HPSE2: variants seen among roughly 807,000 people sequenced by gnomAD.
The protein encoded by HPSE2 is heparanase 2 (inactive).
HPSE2 carries 38 observed loss-of-function variants against 60.5 expected under a neutral mutation model. That is an observed-to-expected ratio of 0.63 (90% CI 0.48 to 0.82). The LOEUF (loss-of-function observed/expected upper bound fraction) is 0.82. HPSE2 is among the 40% of genes least tolerant of loss of function. The probability of loss-of-function intolerance (pLI) is 0.00; values close to 1 mark genes in which losing one functional copy is unlikely to be tolerated. For missense variants in HPSE2, 713 were observed against 740.4 expected (o/e 0.96, Z 0.43); for synonymous variants, 295 against 293.2 (o/e 1.01, Z -0.06).
chr10:99,220,266 C>T (rs1849263698), intron 2 of HPSE2, among the ~76,000 whole-genome samples: 1 of 151,592 alleles, frequency 6.6e-6, no homozygotes, highest in Admixed American at 6.6e-5. Context: ...AAATAACAAA[C>T]AGATAACTTC....
At chr10:99,257,313 G>A in the HPSE2 span, among the ~76,000 whole-genome samples, 54 of 152,290 alleles carry the variant, frequency 3.5e-4, no homozygotes, top group Middle Eastern at 3.4e-3. Context: ...CTGGTGAGCC[G>A]GGCAGAACAG....
intron 3 of HPSE2, among the ~76,000 whole-genome samples, chr10:99,090,206 T>A (rs969516159): frequency 6.6e-6 from 1 of 152,128 alleles, no homozygotes; most frequent in Non-Finnish European, 1.5e-5. Flanking sequence ...CAGTATCCTA[T>A]TTAGAACTGA....
At chr10:98,583,564 T>G (rs929752378) in intron 9 of HPSE2, among the ~76,000 whole-genome samples, 3 of 152,206 alleles carry the variant, frequency 2.0e-5, no homozygotes, top group African/African-American at 7.2e-5. Flanking sequence ...CCAGTTAACT[T>G]TATTTCAAAA....
chr10:98,948,387 A>G (rs931646257), intron 3 of HPSE2, among the ~76,000 whole-genome samples: 2 of 152,206 alleles, frequency 1.3e-5, no homozygotes, highest in African/African-American at 4.8e-5. Context: ...AATTAACAGA[A>G]TATGACTTGG....
intron 6 of HPSE2, among the ~76,000 whole-genome samples, chr10:98,679,127 C>A (rs1289835865): frequency 3.9e-5 from 6 of 151,952 alleles, no homozygotes; most frequent in Admixed American, 2.0e-4. Context: ...GTGACAGAAC[C>A]CCACAAAATC....
chr10:99,190,465 C>A lies in HPSE2; in HGVS notation c.448+41883G>T, dbSNP rs572473562. Among the ~76,000 whole-genome samples, 90 of 152,252 alleles carry A rather than the reference C, an allele frequency of 5.9e-4. 1 individual carries two copies. Among genetic ancestry groups the A allele is most frequent in the African/African-American group, 1.7e-3 (70 of 41,556 alleles). ...TTTACAGATTAAAAAACAACAACAA[C>A]AAAAAACTAAGGCCTAGCAACATTA... On this transcript the variant is annotated intron_variant, in intron 2 of 11. Transcript: ENST00000370552.
chr10:98,549,039 G>A (rs1245795895), intron 9 of HPSE2, among the ~76,000 whole-genome samples: 1 of 152,134 alleles, frequency 6.6e-6, no homozygotes, highest in Non-Finnish European at 1.5e-5. Context: ...TATGTCATCT[G>A]ATATGAATAT....
chr10:99,167,010 TTTG>T (rs1847111202), intron 2 of HPSE2, among the ~76,000 whole-genome samples: 2 of 151,934 alleles, frequency 1.3e-5, no homozygotes, highest in African/African-American at 2.4e-5. Context: ...TTTTTGTTTG[TTTG>T]TTTGTTTGTT....
At chr10:98,515,003 C>T (rs899204676) in intron 9 of HPSE2, among the ~76,000 whole-genome samples, 19 of 152,088 alleles carry the variant, frequency 1.2e-4, no homozygotes, top group African/African-American at 3.6e-4. Context: ...GGATTACAGG[C>T]GTGAGCCACC....
At chr10:98,525,633 T>C (rs1157921955) in intron 9 of HPSE2, among the ~76,000 whole-genome samples, 2 of 152,246 alleles carry the variant, frequency 1.3e-5, no homozygotes, top group East Asian at 3.9e-4. Context: ...GACCCACAAA[T>C]TCTAGAGAAA....
chr10:99,204,836 TGTAGATA>T (rs750111649), intron 2 of HPSE2, among the ~76,000 whole-genome samples: 4 of 152,220 alleles, frequency 2.6e-5, no homozygotes, highest in Non-Finnish European at 5.9e-5. Context: ...ACAAAATATA[TGTAGATA>T]GTAGTCTATG....
chr10:98,925,364 C>CTT (rs111785284), intron 3 of HPSE2, among the ~76,000 whole-genome samples: 90,866 of 147,366 alleles, frequency 0.62, 28,495 homozygotes, highest in Non-Finnish European at 0.69. Flanking sequence ...TTTTAATTGG[C>CTT]TTTTTTTTTT....
chr10:98,955,975 G>A (rs1009680372), intron 3 of HPSE2, among the ~76,000 whole-genome samples: 4 of 152,100 alleles, frequency 2.6e-5, no homozygotes, highest in African/African-American at 4.8e-5. Flanking sequence ...GGGAGGGAGA[G>A]CATCAGGATA....
intron 5 of HPSE2, among the ~76,000 whole-genome samples, chr10:98,711,384 G>A (rs1948672839): frequency 6.6e-6 from 1 of 152,122 alleles, no homozygotes; most frequent in Non-Finnish European, 1.5e-5. Flanking sequence ...GAACATTGAG[G>A]AACTGAGGTT....
Position 98,720,435 on chromosome 10 carries a change from A to C in HPSE2, c.956+1222T>G, listed in dbSNP as rs543880561. ...AAACAACCATGCAACATGATCTTGC[A>C]TTAATTAAAATAGGGTAAATTAATA... On this transcript the variant is annotated intron_variant, in intron 5 of 11. Transcript: ENST00000370552. 2.4e-4 allele frequency among the ~76,000 whole-genome samples: 37 copies of C among 152,302 alleles called. 1 individual carries two copies. Among genetic ancestry groups the C allele is most frequent in the African/African-American group, 8.7e-4 (36 of 41,580 alleles).
chr10:99,185,201 G>C (rs1847958409), intron 2 of HPSE2, among the ~76,000 whole-genome samples: 1 of 151,966 alleles, frequency 6.6e-6, no homozygotes, highest in Non-Finnish European at 1.5e-5. Context: ...CTACTAGGGA[G>C]GCTGAGGCAG....
intron 9 of HPSE2, among the ~76,000 whole-genome samples, chr10:98,600,348 A>C (rs996614999): frequency 1.3e-5 from 2 of 152,236 alleles, no homozygotes; most frequent in Non-Finnish European, 2.9e-5. Flanking sequence ...GAAAAGCGTC[A>C]AGAAAGAGTT....
intron 2 of HPSE2, among the ~76,000 whole-genome samples, chr10:99,186,776 G>C (rs1282679463): frequency 6.6e-6 from 1 of 151,994 alleles, no homozygotes; most frequent in Non-Finnish European, 1.5e-5. Flanking sequence ...AGGAATATAT[G>C]TCAAAAACAT....
chr10:98,745,276 C>T (rs1356661626), intron 3 of HPSE2, among the ~76,000 whole-genome samples: 1 of 152,142 alleles, frequency 6.6e-6, no homozygotes, highest in African/African-American at 2.4e-5. Flanking sequence ...ACTCTATCAC[C>T]ATGTGTCTCC....
Sources: allele counts gnomAD v4.1 joint callset (sites outside exome capture counted in the v4.1 genomes callset), GRCh38; gene constraint gnomAD v4.1.1; transcripts MANE v1.5; gene names NCBI Gene and HGNC (gene_info 2026-07-23, HGNC 2026-07-21).